The following SLC2A5 variants were observed in gnomAD, a reference collection of about 807,000 sequenced individuals.
SLC2A5 encodes solute carrier family 2 member 5, also known as solute carrier family 2, facilitated glucose transporter member 5.
In SLC2A5, 56 loss-of-function variants were observed where a neutral mutation model predicts 50.3. That is an observed-to-expected ratio of 1.11 (90% confidence interval 0.90 to 1.39). The LOEUF is 1.39. Ranked by LOEUF, SLC2A5 falls within the 40% of genes most tolerant of loss-of-function variation. The pLI is 0.00. For missense variants in SLC2A5, 566 were observed against 650.1 expected (o/e 0.87, Z 1.41); for synonymous variants, 269 against 281.9 (o/e 0.95, Z 0.46).
upstream of SLC2A5, chr1:9,071,921 G>GATCCCCCTCGGCCTCTGCCTCAGCCCGA (rs1642221309): frequency 6.3e-6 from 1 of 158,972 alleles, no homozygotes; most frequent in Non-Finnish European, 1.3e-5. Context: ...CCTCAGCCCG[G>GATCCCCCTCGGCCTCTGCCTCAGCCCGA]GTCCCCCTCG....
rs1569832937 is a variant in SLC2A5, at chr1:9,038,451, A to G, written c.1154T>C (p.Ile385Thr). Residue 385 changes from isoleucine to threonine, a missense_variant, in exon 10 of 12, where the codon ATA (isoleucine) becomes ACA (threonine). Physicochemically the swap from Ile to Thr is moderately conservative, Grantham distance 89. Coordinates refer to ENST00000377424, the MANE Select transcript of SLC2A5 (RefSeq NM_003039.3). ...CGTACTGGGCCCGAGGGCATGTCCT[A>G]TGACGTAGGAGATGACACAGACGAT... Reference protein sequence around the residue: ...ISIVCVISYVIGHALGPSPIP... With the variant: ...ISIVCVISYVTGHALGPSPIP... The G allele has an allele frequency of 1.2e-6, 2 of 1,613,528 alleles. No homozygotes were observed. The highest frequency in any genetic ancestry group is 1.7e-6 in the Non-Finnish European group (2 of 1,179,678).
chr1:9,091,881 C>T (rs1000315751), upstream of SLC2A5, among the ~76,000 whole-genome samples: 3 of 152,062 alleles, frequency 2.0e-5, no homozygotes, highest in Admixed American at 6.6e-5. Context: ...CACACCCTCC[C>T]GACAAGCAGA....
At chr1:9,076,104 C>T (rs1569919042) in intron 2 of SLC2A5, among the ~76,000 whole-genome samples, 2 of 151,882 alleles carry the variant, frequency 1.3e-5, no homozygotes, top group South Asian at 2.1e-4. Context: ...TACAGACGCA[C>T]GCCACTACGC....
intron 9 of SLC2A5, 52 bp downstream of exon 9, chr1:9,038,776 A>G: frequency 6.6e-7 from 1 of 1,516,230 alleles, no homozygotes; most frequent in Non-Finnish European, 8.9e-7. Flanking sequence ...TGGGAGGGGC[A>G]CTGGTCTTCC....
In SLC2A5 at chr1:9,036,880, A is replaced by T. The variant is rs1641146453; in HGVS notation, c.*706T>A. ...AAGCAAAAATAAAAACAAAAAAAAC[A>T]CTGCCTGAATGAGCAGGGAACTTCC... On this transcript the variant is annotated 3_prime_UTR_variant, in exon 12 of 12. Coordinates refer to ENST00000377424, the MANE Select transcript of SLC2A5 (RefSeq NM_003039.3). 1.4e-5 allele frequency: 2 copies of T among 146,722 alleles called. No homozygotes were observed. Among genetic ancestry groups the T allele is most frequent in the African/African-American group, 5.1e-5 (2 of 39,366 alleles). The allele number at this position is 146,722 out of a possible 1,614,324, so 9.1% of individuals were successfully genotyped here.
At chr1:9,066,784 C>A (rs1188106635) in intron 1 of SLC2A5, among the ~76,000 whole-genome samples, 4 of 151,662 alleles carry the variant, frequency 2.6e-5, no homozygotes, top group Non-Finnish European at 5.9e-5. Context: ...AGCCCAAGAC[C>A]AGCCTGGGTA....
rs776389195 is a variant in SLC2A5, at chr1:9,036,106, C to T, written c.*1480G>A. On this transcript the variant is annotated 3_prime_UTR_variant, in exon 12 of 12. Coordinates refer to ENST00000377424, the MANE Select transcript of SLC2A5 (RefSeq NM_003039.3). Reference sequence around the variant, plus strand: ...TTTTCCCTTCCTCCCCCACCACAGTCTCAAGATTTTAAGACTCCTCAAGAT... The same window carrying T: ...TTTTCCCTTCCTCCCCCACCACAGTTTCAAGATTTTAAGACTCCTCAAGAT... The T allele has an allele frequency of 6.6e-6, 1 of 152,212 alleles. No homozygotes were observed. Among genetic ancestry groups the T allele is most frequent in the Non-Finnish European group, 1.5e-5 (1 of 68,040 alleles). 9.4% of individuals were successfully genotyped at this position (152,212 alleles called of 1,614,324 possible).
At chr1:9,046,998 G>T (rs898140271) in intron 4 of SLC2A5, among the ~76,000 whole-genome samples, 1 of 151,250 alleles carries the variant, frequency 6.6e-6, no homozygotes, top group East Asian at 1.9e-4. Context: ...TCTCTCTCTC[G>T]CCTGCTGCCA....
chr1:9,043,990 G>A (rs983569425), intron 4 of SLC2A5, among the ~76,000 whole-genome samples: 6 of 151,614 alleles, frequency 4.0e-5, no homozygotes, highest in African/African-American at 1.5e-4. Flanking sequence ...CCAAAGTGCT[G>A]GGATTACAGG....
chr1:9,072,670 A>C (rs2124465464), upstream of SLC2A5, among the ~76,000 whole-genome samples: 1 of 152,112 alleles, frequency 6.6e-6, no homozygotes, highest in South Asian at 2.1e-4. Context: ...ATAAAACACA[A>C]CTAGGCCAGG....
chr1:9,053,057 AAT>A (rs1337753724), intron 3 of SLC2A5, among the ~76,000 whole-genome samples: 1 of 114,106 alleles, frequency 8.8e-6, no homozygotes, highest in African/African-American at 3.9e-5. Context: ...ATTAATATAT[AAT>A]ATATATTATA....
chr1:9,086,092 A>T (rs1473745331), intron 1 of SLC2A5, among the ~76,000 whole-genome samples: 1 of 152,222 alleles, frequency 6.6e-6, no homozygotes, highest in Non-Finnish European at 1.5e-5. Flanking sequence ...GAAGTGGGAC[A>T]GGGAGTTCAA....
At chr1:9,093,061 C>T (rs1244284981), upstream of SLC2A5, among the ~76,000 whole-genome samples, 1 of 152,162 alleles carries the variant, frequency 6.6e-6, no homozygotes, top group African/African-American at 2.4e-5. Flanking sequence ...ACAAACCCCT[C>T]TCGTTTCCCC....
At chr1:9,071,725 G>C (rs1045401029), upstream of SLC2A5, 3 of 152,236 alleles carry the variant, frequency 2.0e-5, no homozygotes, top group Non-Finnish European at 2.9e-5. Context: ...CGTCACCAAC[G>C]CTCGACCCGT....
chr1:9,060,144 A>G (rs201109242), intron 1 of SLC2A5, among the ~76,000 whole-genome samples: 1 of 129,052 alleles, frequency 7.7e-6, no homozygotes, highest in African/African-American at 2.8e-5. Flanking sequence ...CACACACTAC[A>G]TACACACTAC....
At chr1:9,052,508 T>C (rs951055452) in intron 3 of SLC2A5, among the ~76,000 whole-genome samples, 3 of 152,130 alleles carry the variant, frequency 2.0e-5, no homozygotes, top group East Asian at 1.9e-4. Context: ...TCAAAACCCA[T>C]AGAATGCACA....
In SLC2A5 at chr1:9,057,312, A is replaced by G. The variant is rs11121310; in HGVS notation, c.293+136T>C. ...AAAATTAAAAAAAAAAAAAAAAAAAAAAAGAAAGAAAAAAGAAAAATGACC... is the reference window on the plus strand; with the variant it reads ...AAAATTAAAAAAAAAAAAAAAAAAAGAAAGAAAGAAAAAAGAAAAATGACC... On this transcript the variant is annotated intron_variant, in intron 3 of 11. Transcript: ENST00000377424. 97,340 of 387,282 alleles carry G rather than the reference A, an allele frequency of 0.25. 14,201 individuals carry two copies. Among genetic ancestry groups the G allele is most frequent in the East Asian group, 0.49 (10,295 of 20,864 alleles). The allele number at this position is 387,282 out of a possible 1,614,324, so 24.0% of individuals were successfully genotyped here. A position where few individuals can be genotyped will look rare whatever the true frequency, so the allele number is the denominator to read the frequency against.
chr1:9,039,655 T>C lies in SLC2A5; in HGVS notation c.893A>G (p.Tyr298Cys), dbSNP rs1330448173. Reference protein sequence around the residue: ...QQLSGVNAIYYYADQIYLSAG... With the variant: ...QQLSGVNAIYCYADQIYLSAG... ...GCTCAGGTAGATCTGGTCCGCGTAG[T>C]AGTAGATCTGCAAGGCAAGCGCGGG... The change falls in exon 8 of 12, where the codon TAC (tyrosine) becomes TGC (cysteine). Residue 298 changes from tyrosine (Y) to cysteine (C), a missense_variant. Coordinates refer to ENST00000377424, the MANE Select transcript of SLC2A5 (RefSeq NM_003039.3). The C allele has an allele frequency of 1.3e-6, 2 of 1,542,366 alleles. No individual in the cohort carries two copies. The highest frequency in any genetic ancestry group is 1.7e-6 in the Non-Finnish European group (2 of 1,144,420).
At chr1:9,042,638 GGTGTGTGTGTGGCCTGGGTGTGTGTGT>G (rs1290723995) in intron 4 of SLC2A5, among the ~76,000 whole-genome samples, 4 of 139,470 alleles carry the variant, frequency 2.9e-5, no homozygotes, top group Non-Finnish European at 4.7e-5. Flanking sequence ...TGTGTGTGTG[GGTGTGTGTGTGGCCTGGGTGTGTGTGT>G]GTGTGTGTAT....
Sources: allele counts gnomAD v4.1 joint callset (sites outside exome capture counted in the v4.1 genomes callset), GRCh38; gene constraint gnomAD v4.1.1; transcripts MANE v1.5; gene names NCBI Gene and HGNC (gene_info 2026-07-23, HGNC 2026-07-21).